Variants in TMEM132B observed in about 807,000 individuals in gnomAD.
TMEM132B encodes transmembrane protein 132B.
TMEM132B carries 18 observed loss-of-function variants against 90.8 expected under a neutral mutation model. The observed-to-expected ratio is 0.20, with a 90% CI of 0.14 to 0.29. The LOEUF (loss-of-function observed/expected upper bound fraction) is 0.29. Among genes scored for constraint, TMEM132B ranks in the 10% least tolerant of loss-of-function variants. The pLI, the probability that TMEM132B is intolerant of heterozygous loss-of-function variation, is 1.00. For synonymous variants in TMEM132B, 504 were observed against 523.3 expected (o/e 0.96, Z 0.50); for missense variants, 1,096 against 1,326.8 (o/e 0.83, Z 2.70).
At chr12:125,402,960 G>GCCC (rs1879361250) in intron 2 of TMEM132B, among the ~76,000 whole-genome samples, 1 of 152,090 alleles carries the variant, frequency 6.6e-6, no homozygotes, top group South Asian at 2.1e-4. Flanking sequence ...TTCACAGCAG[G>GCCC]CTGGGACCTG....
At chr12:125,444,943 G>A (rs1361988083) in intron 3 of TMEM132B, among the ~76,000 whole-genome samples, 4 of 152,052 alleles carry the variant, frequency 2.6e-5, no homozygotes, top group African/African-American at 4.8e-5. Context: ...CCACAACCAC[G>A]GAAGGCAATT....
chr12:125,457,712 C>A (rs1404410368), intron 3 of TMEM132B, among the ~76,000 whole-genome samples: 1 of 152,146 alleles, frequency 6.6e-6, no homozygotes, highest in East Asian at 1.9e-4. Context: ...GGAAGGAGAG[C>A]ATCCTGGGGC....
intron 5 of TMEM132B, among the ~76,000 whole-genome samples, chr12:125,630,747 C>T (rs766777614): frequency 3.3e-5 from 5 of 152,132 alleles, no homozygotes; most frequent in Non-Finnish European, 7.4e-5. Context: ...TCCCATCCTC[C>T]ATCCTCAATT....
At chr12:125,438,479 AGTT>A (rs1330110777) in intron 3 of TMEM132B, among the ~76,000 whole-genome samples, 2 of 152,224 alleles carry the variant, frequency 1.3e-5, no homozygotes, top group Non-Finnish European at 2.9e-5. Flanking sequence ...TAAAGGGACA[AGTT>A]GTTTTTCTTT....
At chr12:125,241,110 C>T (rs1257708659) in intron 1 of TMEM132B, among the ~76,000 whole-genome samples, 2 of 151,974 alleles carry the variant, frequency 1.3e-5, no homozygotes, top group East Asian at 3.8e-4. Context: ...AAATGCATAT[C>T]GTAAAATACA....
intron 1 of TMEM132B, among the ~76,000 whole-genome samples, chr12:125,198,455 G>C (rs921796146): frequency 8.5e-5 from 13 of 152,198 alleles, no homozygotes; most frequent in Admixed American, 7.9e-4. Context: ...GCTGGCCACA[G>C]TTGGCTCCAG....
chr12:125,215,817 C>T (rs376586647), intron 1 of TMEM132B, among the ~76,000 whole-genome samples: 23 of 152,356 alleles, frequency 1.5e-4, no homozygotes, highest in African/African-American at 5.5e-4. Context: ...GCTGGTATTA[C>T]AGGCGTGAGC....
intron 1 of TMEM132B, among the ~76,000 whole-genome samples, chr12:125,297,309 C>G (rs1875696711): frequency 6.6e-6 from 1 of 152,090 alleles, no homozygotes. Context: ...ATGGTGTAGA[C>G]CTGACAGGTG....
intron 5 of TMEM132B, 79 bp from the exon 6 acceptor site, chr12:125,643,997 T>C: frequency 7.7e-7 from 1 of 1,298,834 alleles, no homozygotes; most frequent in Non-Finnish European, 1.1e-6. Context: ...CTGCTGCAGT[T>C]CATGAACTTT....
intron 3 of TMEM132B, among the ~76,000 whole-genome samples, chr12:125,479,986 A>G (rs1042868737): frequency 2.0e-5 from 3 of 152,238 alleles, no homozygotes; most frequent in Non-Finnish European, 4.4e-5. Flanking sequence ...ATGGAAACTG[A>G]ACAACCTGCT....
chr12:125,471,635 G>T (rs530690696), intron 3 of TMEM132B, among the ~76,000 whole-genome samples: 1 of 152,194 alleles, frequency 6.6e-6, no homozygotes, highest in African/African-American at 2.4e-5. Context: ...GGAGTACAGC[G>T]CCCTGCTCAG....
intron 2 of TMEM132B, among the ~76,000 whole-genome samples, chr12:125,412,343 A>G (rs1361326284): frequency 6.6e-6 from 1 of 152,224 alleles, no homozygotes; most frequent in Non-Finnish European, 1.5e-5. Flanking sequence ...GGGCCTGGCA[A>G]TGAGGGCTCA....
intron 5 of TMEM132B, among the ~76,000 whole-genome samples, chr12:125,590,828 A>G (rs1885298348): frequency 6.6e-6 from 1 of 152,214 alleles, no homozygotes; most frequent in African/African-American, 2.4e-5. Flanking sequence ...AAGACAGGTA[A>G]TACTACTATT....
chr12:125,558,096 C>G (rs749048171), intron 4 of TMEM132B, among the ~76,000 whole-genome samples: 4 of 152,082 alleles, frequency 2.6e-5, no homozygotes, highest in Non-Finnish European at 5.9e-5. Flanking sequence ...CCTTCGTTTC[C>G]TTTTGAGAGG....
rs1874131192 is a variant in TMEM132B at position 125,243,297 on chromosome 12, C to A, written c.67+56431C>A. 2.6e-5 allele frequency among the ~76,000 whole-genome samples: 4 copies of A among 151,040 alleles called. No individual in the cohort carries two copies. In the South Asian group the frequency reaches 8.4e-4, roughly 32 times the overall value. ...AGCTGGGACTACAGGCACCCGCCAC[C>A]ATGGCTGGCTAATTTTTTTTTTTTT... On this transcript the variant is annotated intron_variant, in intron 1 of 8. Coordinates refer to ENST00000682704, the MANE Select transcript of TMEM132B (RefSeq NM_001366854.1).
chr12:125,566,196 G>C (rs981618383), intron 4 of TMEM132B, among the ~76,000 whole-genome samples: 3 of 152,186 alleles, frequency 2.0e-5, no homozygotes, highest in African/African-American at 7.2e-5. Flanking sequence ...GCTTGCATTG[G>C]TAAATGAACC....
chr12:125,332,437 C>T (rs1876805175), intron 1 of TMEM132B, among the ~76,000 whole-genome samples: 1 of 151,882 alleles, frequency 6.6e-6, no homozygotes, highest in Admixed American at 6.6e-5. Flanking sequence ...TTTTTTTTTC[C>T]CACAGACTTC....
In TMEM132B at chr12:125,277,516, CACACACACACACAT is replaced by C. The variant is rs1875027401; in HGVS notation, c.68-71923_68-71910del. ...TGAAGAGGGAGAACACACACACACA[CACACACACACACAT>C]ACACACACACACGGGAAGGCCATGT... On this transcript the variant is annotated intron_variant, in intron 1 of 8. Transcript: ENST00000682704. The surrounding 1 kb of genome is among the most constrained non-coding windows in gnomAD (Gnocchi z 4.3). Among the ~76,000 whole-genome samples the C allele has an allele frequency of 6.6e-6, 1 of 151,270 alleles. No individual in the cohort carries two copies. The highest frequency in any genetic ancestry group is 6.6e-5 in the Admixed American group (1 of 15,196).
intron 1 of TMEM132B, among the ~76,000 whole-genome samples, chr12:125,305,688 A>G (rs1227733188): frequency 2.0e-5 from 3 of 152,176 alleles, no homozygotes; most frequent in African/African-American, 7.2e-5. Context: ...TGGGATGGCA[A>G]AGAAAACCTC....
Sources: gnomAD v4.1 joint callset for allele counts (sites outside exome capture counted in the v4.1 genomes callset) on GRCh38, gnomAD v4.1.1 for gene constraint, Gnocchi (gnomAD v3.1) non-coding constraint, MANE v1.5 for transcripts, NCBI Gene and HGNC (gene_info 2026-07-23, HGNC 2026-07-21) for gene names.